The following ERC2 variants were observed in gnomAD, a reference collection of about 807,000 sequenced individuals.
ERC2 encodes ELKS/RAB6-interacting/CAST family member 2.
ERC2 carries 42 observed loss-of-function variants against 114.8 expected under a neutral mutation model. That is an observed-to-expected ratio of 0.37 (90% confidence interval 0.29 to 0.47). ERC2 has a LOEUF of 0.47. Ranked by LOEUF, ERC2 falls within the 20% of genes least tolerant of loss-of-function variation. The pLI is 0.99. For synonymous variants in ERC2, 454 were observed against 425.5 expected (o/e 1.07, Z -0.82); for missense variants, 939 against 1,150.7 (o/e 0.82, Z 2.66).
At chr3:55,921,134 A>G (rs1419215899) in intron 13 of ERC2, among the ~76,000 whole-genome samples, 1 of 152,168 alleles carries the variant, frequency 6.6e-6, no homozygotes, top group Non-Finnish European at 1.5e-5. Context: ...ATTATTAACT[A>G]CATGGTTCAT....
At chr3:56,065,194 T>A (rs2076414441) in intron 7 of ERC2, among the ~76,000 whole-genome samples, 1 of 152,152 alleles carries the variant, frequency 6.6e-6, no homozygotes, top group Non-Finnish European at 1.5e-5. Flanking sequence ...CCTAAAATTG[T>A]AAAACATCAT....
chr3:56,199,222 A>C (rs2048276166), intron 3 of ERC2, among the ~76,000 whole-genome samples: 1 of 152,130 alleles, frequency 6.6e-6, no homozygotes, highest in Non-Finnish European at 1.5e-5. Flanking sequence ...AAGGGGAAGG[A>C]TCTACTGAGA....
At chr3:55,991,205 A>G (rs2071034227) in intron 11 of ERC2, among the ~76,000 whole-genome samples, 1 of 152,206 alleles carries the variant, frequency 6.6e-6, no homozygotes, top group Non-Finnish European at 1.5e-5. Context: ...AAGTGTCTCG[A>G]TCAAAGCTGG....
chr3:55,669,577 T>C (rs1576039771), intron 17 of ERC2, among the ~76,000 whole-genome samples: 1 of 152,364 alleles, frequency 6.6e-6, no homozygotes, highest in Admixed American at 6.5e-5. Context: ...AACATGATTG[T>C]ATTTCTTGTA....
intron 17 of ERC2, among the ~76,000 whole-genome samples, chr3:55,668,740 G>A (rs1192802215): frequency 2.0e-5 from 3 of 152,274 alleles, no homozygotes; most frequent in Middle Eastern, 3.4e-3. Context: ...GGCAATTATA[G>A]ATTATGCAAT....
At chr3:56,248,489 G>A (rs907267424) in intron 3 of ERC2, among the ~76,000 whole-genome samples, 1 of 152,104 alleles carries the variant, frequency 6.6e-6, no homozygotes, top group Non-Finnish European at 1.5e-5. Flanking sequence ...ATTCAAGATC[G>A]AATTTTCCAT....
At chr3:55,607,618 T>G (rs1416150668) in intron 17 of ERC2, among the ~76,000 whole-genome samples, 271 of 128,986 alleles carry the variant, frequency 2.1e-3, no homozygotes, top group African/African-American at 8.1e-3. Flanking sequence ...TAGTGTGTTT[T>G]TTTTTTTTTT....
chr3:55,794,984 A>G (rs1444508429), intron 14 of ERC2, among the ~76,000 whole-genome samples: 1 of 152,228 alleles, frequency 6.6e-6, no homozygotes, highest in South Asian at 2.1e-4. Flanking sequence ...TAGGAAATAA[A>G]TGGTTGATTT....
chr3:56,226,673 C>T (rs915196925), intron 3 of ERC2, among the ~76,000 whole-genome samples: 109 of 152,202 alleles, frequency 7.2e-4, no homozygotes, highest in African/African-American at 2.6e-3. Flanking sequence ...TGGGTCTCCA[C>T]CCTACTCCCA....
intron 17 of ERC2, among the ~76,000 whole-genome samples, chr3:55,590,204 C>T (rs1019527377): frequency 5.9e-5 from 9 of 152,062 alleles, no homozygotes; most frequent in South Asian, 2.1e-4. Context: ...AGCGTGAGAT[C>T]GTGCCCTGTG....
chr3:55,726,086 G>A (rs1420441542), intron 15 of ERC2, among the ~76,000 whole-genome samples: 1 of 152,174 alleles, frequency 6.6e-6, no homozygotes, highest in Non-Finnish European at 1.5e-5. Flanking sequence ...AGACTGTAAA[G>A]ACACTTTGCA....
intron 14 of ERC2, among the ~76,000 whole-genome samples, chr3:55,821,743 C>T (rs2060132387): frequency 6.6e-6 from 1 of 152,246 alleles, no homozygotes. Flanking sequence ...AACCTAATAA[C>T]ACCTAATACA....
intron 2 of ERC2, among the ~76,000 whole-genome samples, chr3:56,376,834 AGAG>A (rs1398002265): frequency 6.6e-6 from 1 of 152,154 alleles, no homozygotes; most frequent in Non-Finnish European, 1.5e-5. Flanking sequence ...GGGCAGATTA[AGAG>A]GAGTCTAGTA....
chr3:55,773,999 C>T (rs2068418348), intron 14 of ERC2, among the ~76,000 whole-genome samples: 1 of 152,200 alleles, frequency 6.6e-6, no homozygotes, highest in Non-Finnish European at 1.5e-5. Flanking sequence ...AGTATTCTAA[C>T]CAGAAGGCCC....
rs147513713 is a variant in ERC2, at chr3:55,533,737, G to T, written c.*40-22461C>A. ...GCTGCTCCTGGGGAGATGCTTCCAT[G>T]GGAGTCTCAGACCCGCTCCTTGCTC... On this transcript the variant is annotated intron_variant, in intron 17 of 17. Coordinates refer to ENST00000288221, the MANE Select transcript of ERC2 (RefSeq NM_015576.3). Among the ~76,000 whole-genome samples, 7 of 152,292 alleles carry T rather than the reference G, an allele frequency of 4.6e-5. No individual in the cohort carries two copies. The East Asian group carries it at 1.4e-3, about 29-fold the overall frequency.
intron 6 of ERC2, among the ~76,000 whole-genome samples, chr3:56,121,328 T>C (rs2079562070): frequency 6.6e-6 from 1 of 152,362 alleles, no homozygotes; most frequent in South Asian, 2.1e-4. Context: ...GTATTGTCTT[T>C]ACTTTTGAAA....
At chr3:56,097,126 CTG>C (rs1029606672) in intron 6 of ERC2, among the ~76,000 whole-genome samples, 2 of 152,168 alleles carry the variant, frequency 1.3e-5, no homozygotes, top group Non-Finnish European at 2.9e-5. Flanking sequence ...ACACCAAACT[CTG>C]TGCAAATTTA....
At chr3:56,240,694 C>T (rs1014177155) in intron 3 of ERC2, among the ~76,000 whole-genome samples, 5 of 152,052 alleles carry the variant, frequency 3.3e-5, no homozygotes, top group African/African-American at 9.7e-5. Flanking sequence ...AAAAATGAGT[C>T]ATTTAAATAT....
chr3:55,717,479 C>T (rs990441762), intron 15 of ERC2, among the ~76,000 whole-genome samples: 4 of 152,168 alleles, frequency 2.6e-5, no homozygotes, highest in Non-Finnish European at 2.9e-5. Flanking sequence ...CTCAGGGATG[C>T]CTCTCTGGGG....
Sources: gnomAD v4.1 joint callset for allele counts (sites outside exome capture counted in the v4.1 genomes callset) on GRCh38, gnomAD v4.1.1 for gene constraint, MANE v1.5 for transcripts, NCBI Gene and HGNC (gene_info 2026-07-23, HGNC 2026-07-21) for gene names.